KMT2C: variants seen among roughly 807,000 people sequenced by gnomAD.
KMT2C encodes lysine methyltransferase 2C, also known as histone-lysine N-methyltransferase 2C.
In KMT2C, 88 loss-of-function variants were observed where a neutral mutation model predicts 507.9. That is an observed-to-expected ratio of 0.17 (90% CI 0.15 to 0.21). KMT2C has a LOEUF of 0.21. Ranked by LOEUF, KMT2C falls within the 10% of genes least tolerant of loss-of-function variation. The pLI is 1.00. For synonymous variants in KMT2C, 2,049 were observed against 2,080.8 expected (o/e 0.98, Z 0.42); for missense variants, 4,954 against 5,957.8 (o/e 0.83, Z 5.55).
intron 26 of KMT2C, among the ~76,000 whole-genome samples, chr7:152,201,069 C>CAATAATGAATTTAA (rs2094121772): frequency 6.6e-6 from 1 of 152,066 alleles, no homozygotes; most frequent in Non-Finnish European, 1.5e-5. Context: ...TATTTAATGC[C>CAATAATGAATTTAA]TTCAGTATAA....
intron 1 of KMT2C, among the ~76,000 whole-genome samples, chr7:152,403,077 A>G (rs2097582689): frequency 6.0e-5 from 9 of 151,132 alleles, no homozygotes; most frequent in African/African-American, 2.2e-4. Flanking sequence ...CAGAATGGCC[A>G]CTATTAAAGA....
intron 37 of KMT2C, among the ~76,000 whole-genome samples, chr7:152,179,248 G>A (rs937281443): frequency 1.3e-5 from 2 of 152,086 alleles, no homozygotes; most frequent in African/African-American, 4.8e-5. Flanking sequence ...CGCCCACCTC[G>A]GCCTCCCAAA....
At chr7:152,187,136 T>A in intron 33 of KMT2C, 126 bp downstream of exon 33, 1 of 695,148 alleles carries the variant, frequency 1.4e-6, no homozygotes, top group Admixed American at 2.5e-5. Context: ...ATCTAGGGAA[T>A]CTTCATGTTG....
intron 7 of KMT2C, among the ~76,000 whole-genome samples, chr7:152,267,886 C>A (rs200954189): frequency 6.6e-5 from 10 of 150,686 alleles, no homozygotes; most frequent in South Asian, 2.1e-4. Context: ...GGTTGTCTGC[C>A]ATGCACCTCA....
chr7:152,246,361 G>A (rs2095473383), intron 14 of KMT2C, among the ~76,000 whole-genome samples: 1 of 152,014 alleles, frequency 6.6e-6, no homozygotes, highest in Non-Finnish European at 1.5e-5. Flanking sequence ...GATTATCATC[G>A]GATTTGGGAA....
chr7:152,194,146 A>AT lies in KMT2C; in HGVS notation c.4541-19_4541-18insA. On this transcript the variant is annotated intron_variant, in intron 30 of 58. Transcript: ENST00000262189. ...GCCAAGCTCTAGGAGATAAAACAAT[A>AT]ATAGTAACAAGATTAAAAGACTAGT... The AT allele has an allele frequency of 6.4e-7, 1 of 1,566,304 alleles. No homozygotes were observed. Among genetic ancestry groups the AT allele is most frequent in the Non-Finnish European group, 8.6e-7 (1 of 1,164,904 alleles).
chr7:152,367,370 G>C (rs2097255943), intron 1 of KMT2C: 1 of 721,916 alleles, frequency 1.4e-6, no homozygotes, highest in Non-Finnish European at 2.4e-6. Flanking sequence ...CACCTACCAG[G>C]GGCACCCCCG....
At chr7:152,418,694 G>A (rs1406076457) in intron 1 of KMT2C, among the ~76,000 whole-genome samples, 1 of 151,780 alleles carries the variant, frequency 6.6e-6, no homozygotes, top group African/African-American at 2.4e-5. Context: ...CCTCCCAAAG[G>A]GCTGGGATTA....
chr7:152,435,275 G>A lies in KMT2C; in HGVS notation c.161+351C>T, dbSNP rs1419731190. On this transcript the variant is annotated intron_variant, in intron 1 of 58. Transcript: ENST00000262189. ...TCCGGGGACTACCTGGGCGCGCTCC[G>A]GGCTTGTTTTCTCAATGATCCAGCT... Among the ~76,000 whole-genome samples the A allele has an allele frequency of 1.3e-4, 20 of 152,136 alleles. No homozygotes were observed. The East Asian group carries it at 1.9e-3, about 15-fold the overall frequency.
chr7:152,214,613 T>TA (rs2094528730), intron 23 of KMT2C, among the ~76,000 whole-genome samples: 1 of 152,232 alleles, frequency 6.6e-6, no homozygotes, highest in Non-Finnish European at 1.5e-5. Flanking sequence ...TACAATGGAA[T>TA]AGTTAGCTTT....
chr7:152,425,161 T>C (rs2097804079), intron 1 of KMT2C, among the ~76,000 whole-genome samples: 1 of 152,204 alleles, frequency 6.6e-6, no homozygotes, highest in African/African-American at 2.4e-5. Context: ...CTTCTAGTAT[T>C]CCATAATCTC....
intron 14 of KMT2C, among the ~76,000 whole-genome samples, chr7:152,243,911 T>G (rs1441395527): frequency 1.3e-5 from 2 of 152,218 alleles, no homozygotes; most frequent in Non-Finnish European, 2.9e-5. Flanking sequence ...GTGTCTGAAC[T>G]AGATCATAGT....
At chr7:152,394,367 GTT>G (rs2097524152) in intron 1 of KMT2C, among the ~76,000 whole-genome samples, 1 of 152,308 alleles carries the variant, frequency 6.6e-6, no homozygotes, top group African/African-American at 2.4e-5. Context: ...CTCTTATGAT[GTT>G]TTCTCCATAA....
At chr7:152,305,789 C>T (rs1190465984) in intron 6 of KMT2C, among the ~76,000 whole-genome samples, 3 of 152,280 alleles carry the variant, frequency 2.0e-5, no homozygotes, top group African/African-American at 4.8e-5. Flanking sequence ...CACTTCATTA[C>T]TTTCTGGCAC....
intron 55 of KMT2C, among the ~76,000 whole-genome samples, chr7:152,143,131 G>C (rs954711461): frequency 3.9e-5 from 6 of 152,312 alleles, no homozygotes; most frequent in African/African-American, 1.4e-4. Flanking sequence ...AAAAGTAATT[G>C]ACTTAGCAGG....
intron 1 of KMT2C, among the ~76,000 whole-genome samples, chr7:152,377,805 G>C (rs949924096): frequency 2.7e-4 from 41 of 151,288 alleles, no homozygotes; most frequent in African/African-American, 9.5e-4. Context: ...CTTCTGGAAA[G>C]GATTCACCAC....
intron 52 of KMT2C, 152 bp downstream of exon 52, chr7:152,147,881 T>A (rs2091297050): frequency 3.8e-6 from 3 of 782,684 alleles, no homozygotes; most frequent in Non-Finnish European, 5.8e-6. Flanking sequence ...GAGCAAGGTG[T>A]GAGAACACAA....
intron 1 of KMT2C, among the ~76,000 whole-genome samples, chr7:152,383,787 G>T (rs1194791177): frequency 2.0e-5 from 3 of 152,092 alleles, no homozygotes; most frequent in Non-Finnish European, 4.4e-5. Context: ...TACCTTAGAG[G>T]GTTGTCACAC....
intron 3 of KMT2C, among the ~76,000 whole-genome samples, chr7:152,327,935 G>T (rs2096844549): frequency 7.1e-6 from 1 of 141,092 alleles, no homozygotes; most frequent in African/African-American, 2.6e-5. Flanking sequence ...TCCAGCCTGG[G>T]CAACAGAGCG....
Sources: gnomAD v4.1 joint callset for allele counts (sites outside exome capture counted in the v4.1 genomes callset) on GRCh38, gnomAD v4.1.1 for gene constraint, MANE v1.5 for transcripts, NCBI Gene and HGNC (gene_info 2026-07-23, HGNC 2026-07-21) for gene names.